Variants in EFL1 observed in about 807,000 individuals in gnomAD.
EFL1 encodes the protein elongation factor-like GTPase 1.
A neutral mutation model predicts 126.7 loss-of-function variants in EFL1; 76 were observed. The ratio of observed to expected loss-of-function variants is 0.60; its 90% confidence interval spans 0.50 to 0.73. The LOEUF is 0.73. EFL1 is among the 30% of genes least tolerant of loss of function. EFL1 has a pLI of 0.00. For missense variants in EFL1, 1,128 were observed against 1,343.2 expected (o/e 0.84, Z 2.50); for synonymous variants, 410 against 448.4 (o/e 0.91, Z 1.08).
rs148872312 is a variant in EFL1, at chr15:82,149,906, G to C, written c.2989+1559C>G. Among the ~76,000 whole-genome samples, 470 of 152,276 alleles carry C rather than the reference G, an allele frequency of 3.1e-3. 4 individuals carry two copies. The highest frequency in any genetic ancestry group is 0.011 in the African/African-American group (455 of 41,554). On this transcript the variant is annotated intron_variant, in intron 18 of 19. Transcript: ENST00000268206. The stretch of plus-strand genomic sequence containing the variant: ...GTGGTATAAGCATTTGTCGGGGTAG[G>C]AGAGGCTGGAGAAAAGCTCTTAGGT...
At chr15:82,240,878 C>T (rs1233366558) in intron 5 of EFL1, among the ~76,000 whole-genome samples, 3 of 152,110 alleles carry the variant, frequency 2.0e-5, no homozygotes, top group African/African-American at 7.2e-5. Flanking sequence ...GGCAAAATCC[C>T]GTCTGTATTA....
intron 15 of EFL1, among the ~76,000 whole-genome samples, chr15:82,173,647 A>G (rs373962837): frequency 6.6e-6 from 1 of 152,226 alleles, no homozygotes; most frequent in Non-Finnish European, 1.5e-5. Context: ...GTAAAAAAGT[A>G]TATCTTTCCT....
At chr15:82,148,903 G>C (rs979262063) in intron 18 of EFL1, among the ~76,000 whole-genome samples, 1 of 151,928 alleles carries the variant, frequency 6.6e-6, no homozygotes, top group Non-Finnish European at 1.5e-5. Flanking sequence ...ATTTGTACAT[G>C]TTTATACAAG....
chr15:82,205,180 T>TC (rs2074511883), intron 15 of EFL1, among the ~76,000 whole-genome samples: 1 of 152,186 alleles, frequency 6.6e-6, no homozygotes, highest in African/African-American at 2.4e-5. Flanking sequence ...TAGCCTATAG[T>TC]CCCTCTGGCA....
chr15:82,140,694 T>G (rs560067491), intron 18 of EFL1, among the ~76,000 whole-genome samples: 23 of 152,314 alleles, frequency 1.5e-4, no homozygotes, highest in African/African-American at 5.5e-4. Context: ...GCCAACTTCC[T>G]TTCAAATTTA....
At chr15:82,211,089 T>C (rs2074579054) in intron 15 of EFL1, among the ~76,000 whole-genome samples, 2 of 138,930 alleles carry the variant, frequency 1.4e-5, no homozygotes, top group Non-Finnish European at 3.2e-5. Context: ...AAGACAAATC[T>C]GTTTCAAAGA....
At chr15:82,180,333 T>C (rs2074236419) in intron 15 of EFL1, among the ~76,000 whole-genome samples, 2 of 129,066 alleles carry the variant, frequency 1.5e-5, no homozygotes, top group Admixed American at 8.8e-5. Context: ...TTGGTTAAAA[T>C]GAAGCAGTAA....
Position 82,154,822 on chromosome 15 carries a change from T to C in EFL1, c.2031-2399A>G, listed in dbSNP as rs112578511. 5.4e-4 allele frequency among the ~76,000 whole-genome samples: 83 copies of C among 152,308 alleles called. 1 individual carries two copies. The highest frequency in any genetic ancestry group is 1.9e-3 in the African/African-American group (80 of 41,568). On this transcript the variant is annotated intron_variant, in intron 17 of 19. Coordinates refer to ENST00000268206, the MANE Select transcript of EFL1 (RefSeq NM_024580.6). ...TGTCACCCAGCCTGAAGTGCAGTGG[T>C]GTGATTACAGTTCACTGCAGCCTCG...
chr15:82,148,647 G>A (rs754715947), intron 18 of EFL1, among the ~76,000 whole-genome samples: 10 of 152,176 alleles, frequency 6.6e-5, no homozygotes, highest in Admixed American at 5.2e-4. Context: ...CGGTAGCTCA[G>A]CAGTTGATGA....
At chr15:82,212,588 G>A (rs2074601638) in intron 15 of EFL1, among the ~76,000 whole-genome samples, 1 of 152,210 alleles carries the variant, frequency 6.6e-6, no homozygotes, top group African/African-American at 2.4e-5. Flanking sequence ...TTCCTTCAAT[G>A]TTACACTCAA....
At chr15:82,245,029 T>G (rs1042446337) in intron 4 of EFL1, among the ~76,000 whole-genome samples, 8 of 152,158 alleles carry the variant, frequency 5.3e-5, no homozygotes, top group Admixed American at 5.2e-4. Context: ...AGAACCTGAG[T>G]TATCTGAAGA....
At chr15:82,240,983 G>GA (rs1943199196) in intron 5 of EFL1, among the ~76,000 whole-genome samples, 2 of 152,212 alleles carry the variant, frequency 1.3e-5, no homozygotes, top group African/African-American at 4.8e-5. Flanking sequence ...CCAGGAGGCG[G>GA]AGGTTGCAGT....
intron 15 of EFL1, among the ~76,000 whole-genome samples, chr15:82,195,452 G>A (rs376136325): frequency 5.3e-4 from 81 of 152,270 alleles, no homozygotes; most frequent in African/African-American, 1.9e-3. Flanking sequence ...ACTGATGTAG[G>A]CCCTTGGGAG....
At chr15:82,190,606 T>C (rs1038616369) in intron 15 of EFL1, among the ~76,000 whole-genome samples, 2 of 152,212 alleles carry the variant, frequency 1.3e-5, no homozygotes, top group African/African-American at 4.8e-5. Flanking sequence ...ATTTTAGTTT[T>C]ATTATAAATT....
intron 3 of EFL1, among the ~76,000 whole-genome samples, chr15:82,253,860 C>G (rs2075045084): frequency 6.6e-6 from 1 of 152,174 alleles, no homozygotes; most frequent in South Asian, 2.1e-4. Flanking sequence ...GATCCCATCC[C>G]TTTCCAACTC....
rs16973449 is a variant in EFL1, at chr15:82,170,521, G to C, written c.1751-6537C>G. ...CATCCCATTCTTTTTCTTTTCTTTA[G>C]TCAACATGCATTCTTGTTATGTTCA... On this transcript the variant is annotated intron_variant, in intron 15 of 19. Coordinates refer to ENST00000268206, the MANE Select transcript of EFL1 (RefSeq NM_024580.6). Among the ~76,000 whole-genome samples, 497 of 152,250 alleles carry C rather than the reference G, an allele frequency of 3.3e-3. 2 individuals carry two copies. Among genetic ancestry groups the C allele is most frequent in the East Asian group, 0.014 (75 of 5,178 alleles).
intron 3 of EFL1, among the ~76,000 whole-genome samples, chr15:82,255,017 T>A (rs2079766043): frequency 6.6e-6 from 1 of 152,196 alleles, no homozygotes; most frequent in Non-Finnish European, 1.5e-5. Context: ...TGAACAGTTG[T>A]GGGTCTCTTG....
intron 15 of EFL1, among the ~76,000 whole-genome samples, chr15:82,201,339 C>A (rs1414304104): frequency 6.6e-6 from 1 of 152,152 alleles, no homozygotes. Flanking sequence ...AAGGTAAAAG[C>A]TCTGTGCTCA....
At chr15:82,163,772 C>CA in intron 16 of EFL1, 81 bp downstream of exon 16, 1 of 1,496,830 alleles carries the variant, frequency 6.7e-7, no homozygotes, top group Non-Finnish European at 9.0e-7. Flanking sequence ...TGAAACAAGT[C>CA]ATGAGGAATC....
Sources: gnomAD v4.1 joint callset for allele counts (sites outside exome capture counted in the v4.1 genomes callset) on GRCh38, gnomAD v4.1.1 for gene constraint, MANE v1.5 for transcripts, NCBI Gene and HGNC (gene_info 2026-07-23, HGNC 2026-07-21) for gene names.